DLGAP4: variants seen among roughly 807,000 people sequenced by gnomAD.
The protein encoded by DLGAP4 is disks large-associated protein 4.
A neutral mutation model predicts 86.9 loss-of-function variants in DLGAP4; 18 were observed. The observed-to-expected ratio is 0.21, with a 90% CI of 0.14 to 0.31. The LOEUF (loss-of-function observed/expected upper bound fraction) is 0.31, where lower values mean the gene tolerates loss of function less well. Among genes scored for constraint, DLGAP4 ranks in the 10% least tolerant of loss-of-function variants. The pLI is 1.00. For missense variants in DLGAP4, 1,085 were observed against 1,362.6 expected, an observed-to-expected ratio of 0.80 and a Z score of 3.21; for synonymous variants, 548 against 574.3, an observed-to-expected ratio of 0.95 and a Z score of 0.65.
At chr20:36,418,270 C>T (rs4077554) in intron 2 of DLGAP4, among the ~76,000 whole-genome samples, 12,732 of 150,230 alleles carry the variant, frequency 0.085, 705 homozygotes, top group East Asian at 0.24. Flanking sequence ...CTCACTGCCA[C>T]ACCTGGCTAA....
At chr20:36,441,266 C>G (rs977363714) in intron 5 of DLGAP4, among the ~76,000 whole-genome samples, 3 of 152,202 alleles carry the variant, frequency 2.0e-5, no homozygotes, top group Non-Finnish European at 4.4e-5. Context: ...GGCCTCCTTT[C>G]TGCTCCTTAT....
rs1477908377 is a variant in DLGAP4, at chr20:36,393,481, A to G, written c.-73+26206A>G. Among the ~76,000 whole-genome samples, 1 of 152,152 alleles carries G rather than the reference A, an allele frequency of 6.6e-6. No individual in the cohort carries two copies. On this transcript the variant is annotated intron_variant, in intron 2 of 12. Transcript: ENST00000339266. This position sits in a 1 kb window ranked among gnomAD's most constrained non-coding sequence, Gnocchi z 4.4. ...GAGACGCTCTGGGGTCTGGAAACCC[A>G]GCCCTCTTGGTAAGCTGGGAAGTAT...
intron 7 of DLGAP4, among the ~76,000 whole-genome samples, chr20:36,483,557 A>G (rs1445325703): frequency 1.3e-5 from 2 of 152,212 alleles, no homozygotes; most frequent in Non-Finnish European, 2.9e-5. Flanking sequence ...TACAGAGAAA[A>G]AAGGGGAAAT....
intron 10 of DLGAP4, among the ~76,000 whole-genome samples, chr20:36,509,730 A>G (rs2036582663): frequency 6.6e-6 from 1 of 152,214 alleles, no homozygotes; most frequent in Non-Finnish European, 1.5e-5. Context: ...AGCCTGGACA[A>G]CAGAGTGAGA....
intron 7 of DLGAP4, chr20:36,462,225 C>T: frequency 1.7e-6 from 2 of 1,170,644 alleles, no homozygotes; most frequent in Non-Finnish European, 2.1e-6. Flanking sequence ...TCCTCAGCTC[C>T]CTGACTTCAG....
chr20:36,512,291 C>T (rs1334656265), intron 10 of DLGAP4, among the ~76,000 whole-genome samples: 2 of 151,884 alleles, frequency 1.3e-5, no homozygotes, highest in Non-Finnish European at 2.9e-5. Context: ...ACCTCGTGAT[C>T]CGCCCACCGC....
intron 2 of DLGAP4, among the ~76,000 whole-genome samples, chr20:36,390,053 G>A (rs1259982720): frequency 6.6e-6 from 1 of 152,238 alleles, no homozygotes; most frequent in African/African-American, 2.4e-5. Flanking sequence ...CTGCTGCGTG[G>A]CAGCATGGGC....
intron 7 of DLGAP4, among the ~76,000 whole-genome samples, chr20:36,476,876 A>G (rs1272645106): frequency 2.7e-5 from 4 of 150,490 alleles, no homozygotes; most frequent in African/African-American, 9.8e-5. Context: ...TGTTTTTAAT[A>G]GAGACTGGGT....
At chr20:36,491,265 A>G (rs888119159) in intron 7 of DLGAP4, among the ~76,000 whole-genome samples, 1 of 151,994 alleles carries the variant, frequency 6.6e-6, no homozygotes, top group Non-Finnish European at 1.5e-5. Flanking sequence ...ATCTTGGGGT[A>G]GAAGACAGAA....
Position 36,466,545 on chromosome 20 carries a change from ATCTC to A in DLGAP4, c.1648+19613_1648+19616del, listed in dbSNP as rs556352225. Reference sequence around the variant, plus strand: ...GAGGTTGATGAGGTGTGTGGTGTAAATCTCTCTCGGGTTCCCAGATTTCCCAGAC... The same window carrying A: ...GAGGTTGATGAGGTGTGTGGTGTAAATCTCGGGTTCCCAGATTTCCCAGAC... On this transcript the variant is annotated intron_variant, in intron 7 of 12. Coordinates refer to ENST00000339266, the MANE Select transcript of DLGAP4 (RefSeq NM_001365621.2). 2.9e-3 allele frequency among the ~76,000 whole-genome samples: 442 copies of A among 152,234 alleles called. 2 individuals carry two copies. The highest frequency in any genetic ancestry group is 6.8e-3 in the South Asian group (33 of 4,820).
At chr20:36,400,724 A>C (rs2032132330) in intron 2 of DLGAP4, among the ~76,000 whole-genome samples, 2 of 151,496 alleles carry the variant, frequency 1.3e-5, no homozygotes, top group South Asian at 4.2e-4. Context: ...AACTTGAAAC[A>C]TATACTTTAG....
intron 7 of DLGAP4, among the ~76,000 whole-genome samples, chr20:36,479,910 AGGGCCT>A (rs964438285): frequency 1.3e-5 from 2 of 152,026 alleles, no homozygotes; most frequent in Admixed American, 6.6e-5. Context: ...GAGTCCATGG[AGGGCCT>A]GGGATTGGGC....
chr20:36,351,153 C>T (rs1555893434), intron 1 of DLGAP4, among the ~76,000 whole-genome samples: 1 of 152,222 alleles, frequency 6.6e-6, no homozygotes, highest in Non-Finnish European at 1.5e-5. Flanking sequence ...GAGGGAGTGG[C>T]ACCCACTGCT....
At chr20:36,391,109 C>T (rs1289427508) in intron 2 of DLGAP4, among the ~76,000 whole-genome samples, 3 of 152,134 alleles carry the variant, frequency 2.0e-5, no homozygotes, top group Non-Finnish European at 4.4e-5. Flanking sequence ...GGCCCCACCC[C>T]CATTTAGGCC....
intron 2 of DLGAP4, among the ~76,000 whole-genome samples, chr20:36,418,922 G>A (rs2032743771): frequency 6.6e-6 from 1 of 152,120 alleles, no homozygotes; most frequent in Admixed American, 6.6e-5. Flanking sequence ...GGATTATGGA[G>A]CTGTCTTAGA....
At chr20:36,496,577 T>C in intron 7 of DLGAP4, 128 bp from the exon 8 acceptor site, 2 of 1,418,934 alleles carry the variant, frequency 1.4e-6, no homozygotes, top group Non-Finnish European at 1.9e-6. Flanking sequence ...CAGAAATCCT[T>C]GCGGACGGAA....
At chr20:36,324,749 A>G (rs2065200675) in intron 1 of DLGAP4, among the ~76,000 whole-genome samples, 1 of 152,156 alleles carries the variant, frequency 6.6e-6, no homozygotes, top group Non-Finnish European at 1.5e-5. Context: ...ATAAGTTTCG[A>G]AACTTATTAT....
intron 7 of DLGAP4, among the ~76,000 whole-genome samples, chr20:36,459,381 A>AT (rs1480315009): frequency 3.3e-5 from 5 of 151,894 alleles, no homozygotes; most frequent in South Asian, 2.1e-4. Flanking sequence ...CTTTTTTGTT[A>AT]TTTTTTTATT....
intron 2 of DLGAP4, among the ~76,000 whole-genome samples, chr20:36,391,380 T>C (rs999552254): frequency 3.9e-5 from 6 of 152,204 alleles, no homozygotes; most frequent in African/African-American, 7.2e-5. Context: ...ATAAAATCTG[T>C]GTCCTTCATG....
Sources: allele counts gnomAD v4.1 joint callset (sites outside exome capture counted in the v4.1 genomes callset), GRCh38; gene constraint gnomAD v4.1.1; non-coding constraint Gnocchi (gnomAD v3.1); transcripts MANE v1.5; gene names NCBI Gene and HGNC (gene_info 2026-07-23, HGNC 2026-07-21).